OGFOD1: variants seen among roughly 807,000 people sequenced by gnomAD.
The protein encoded by OGFOD1 is prolyl 3-hydroxylase OGFOD1.
OGFOD1 carries 54 observed loss-of-function variants against 67.7 expected under a neutral mutation model. The observed-to-expected ratio is 0.80, with a 90% CI of 0.64 to 1.00. The LOEUF (loss-of-function observed/expected upper bound fraction) is 1.00, where lower values mean the gene tolerates loss of function less well. Ranked by LOEUF, OGFOD1 falls within the 50% of genes least tolerant of loss-of-function variation. The probability of loss-of-function intolerance (pLI) is 0.00; values close to 1 mark genes in which losing one functional copy is unlikely to be tolerated. For synonymous variants in OGFOD1, 221 were observed against 227.0 expected (o/e 0.97, Z 0.24); for missense variants, 606 against 646.7 (o/e 0.94, Z 0.68).
intron 6 of OGFOD1, 74 bp from the exon 7 acceptor site, chr16:56,467,091 C>A: frequency 1.9e-6 from 3 of 1,596,526 alleles, no homozygotes; most frequent in Non-Finnish European, 2.6e-6. Flanking sequence ...GCATGGAGGA[C>A]CCTGAAATTA....
At chr16:56,457,524 C>A (rs1325525591) in intron 2 of OGFOD1, among the ~76,000 whole-genome samples, 2 of 152,062 alleles carry the variant, frequency 1.3e-5, no homozygotes, top group Non-Finnish European at 2.9e-5. Context: ...TATACACTTT[C>A]AAGAAATTGA....
chr16:56,466,324 C>A, intron 5 of OGFOD1, 56 bp downstream of exon 5: 2 of 1,093,486 alleles, frequency 1.8e-6, no homozygotes, highest in Non-Finnish European at 2.8e-6. Context: ...TGAGTTAAAG[C>A]TGAGTTGATT....
intron 3 of OGFOD1, among the ~76,000 whole-genome samples, chr16:56,461,595 T>A (rs938292589): frequency 6.6e-6 from 1 of 152,208 alleles, no homozygotes; most frequent in Non-Finnish European, 1.5e-5. Context: ...CAACTTGAAC[T>A]TGTAATCAGT....
chr16:56,467,335 A>G (rs887906947), intron 7 of OGFOD1, 42 bp downstream of exon 7: 1 of 1,603,300 alleles, frequency 6.2e-7, no homozygotes, highest in Admixed American at 1.7e-5. Flanking sequence ...GAGCTATAGC[A>G]TATCATTTGT....
intron 10 of OGFOD1, among the ~76,000 whole-genome samples, chr16:56,471,032 C>G (rs78776059): frequency 0.043 from 6,472 of 152,070 alleles, 213 homozygotes; most frequent in East Asian, 0.16. Flanking sequence ...CTATGCAAAA[C>G]ATTGTAATAG....
chr16:56,456,730 A>G (rs1325639566), intron 2 of OGFOD1, among the ~76,000 whole-genome samples: 1 of 152,230 alleles, frequency 6.6e-6, no homozygotes, highest in South Asian at 2.1e-4. Context: ...TGTATTGTCT[A>G]TAGTATTCAG....
intron 9 of OGFOD1, 38 bp from the exon 10 acceptor site, chr16:56,470,449 G>A (rs1963113553): frequency 1.3e-6 from 2 of 1,544,608 alleles, no homozygotes; most frequent in Non-Finnish European, 1.8e-6. Context: ...TTTTACATCT[G>A]TGGCTTTGAT....
chr16:56,456,881 A>T (rs147269617), intron 2 of OGFOD1, among the ~76,000 whole-genome samples: 1,820 of 152,270 alleles, frequency 0.012, 25 homozygotes, highest in Non-Finnish European at 0.021. Flanking sequence ...CCTAACAATA[A>T]ATTTCTCAGA....
intron 3 of OGFOD1, among the ~76,000 whole-genome samples, chr16:56,460,661 G>C (rs1368006584): frequency 6.6e-6 from 1 of 152,142 alleles, no homozygotes; most frequent in Non-Finnish European, 1.5e-5. Flanking sequence ...TTTTGGTTTT[G>C]ATAGTGTATA....
At chr16:56,474,549 A>T (rs1963365347) in intron 10 of OGFOD1, among the ~76,000 whole-genome samples, 2 of 151,856 alleles carry the variant, frequency 1.3e-5, no homozygotes, top group African/African-American at 4.8e-5. Context: ...TGAACTCCCG[A>T]CCTCAGGTGA....
chr16:56,463,762 GA>G (rs1360686477), intron 4 of OGFOD1, among the ~76,000 whole-genome samples: 5 of 150,828 alleles, frequency 3.3e-5, no homozygotes, highest in African/African-American at 1.2e-4. Flanking sequence ...CAAACTTGCA[GA>G]AAAGTGGCAA....
rs1596997791 is a variant in OGFOD1, at chr16:56,478,780, T to C, written c.*2575T>C. ...TCTGTCAACACATAATCATCTTTTA[T>C]ACACTACAAAAAGGGACTCGGGTGT... On this transcript the variant is annotated 3_prime_UTR_variant, in exon 13 of 13. Coordinates refer to ENST00000566157, the MANE Select transcript of OGFOD1 (RefSeq NM_018233.4). 1 of 152,338 alleles carries C rather than the reference T, an allele frequency of 6.6e-6. No homozygotes were observed. Among genetic ancestry groups the C allele is most frequent in the African/African-American group, 2.4e-5 (1 of 41,584 alleles). The allele number at this position is 152,338 out of a possible 1,614,324, so 9.4% of individuals were successfully genotyped here.
Position 56,476,124 on chromosome 16 carries a change from T to G in OGFOD1, c.1548T>G (p.Ile516Met). The change falls in exon 13 of 13, where the codon ATT (isoleucine) becomes ATG (methionine). Residue 516 changes from isoleucine to methionine, a missense_variant. Ile to Met is a conservative substitution (Grantham distance 10). Transcript: ENST00000566157. ...DRETLKFVKHINHRSLEQKKT... is the reference protein window; with the variant it reads ...DRETLKFVKHMNHRSLEQKKT... ...AGACTCTGAAATTTGTCAAGCATAT[T>G]AACCACCGAAGCCTGGAACAAAAGA... 1 of 1,614,004 alleles carries G rather than the reference T, an allele frequency of 6.2e-7. No homozygotes were observed. Among genetic ancestry groups the G allele is most frequent in the African/African-American group, 1.3e-5 (1 of 75,060 alleles).
At chr16:56,470,214 C>A in intron 9 of OGFOD1, 132 bp downstream of exon 9, 1 of 797,364 alleles carries the variant, frequency 1.3e-6, no homozygotes, top group South Asian at 1.8e-5. Flanking sequence ...GAAAGAAAAT[C>A]AAATAACCAA....
At chr16:56,469,640 AG>A in intron 8 of OGFOD1, among the ~76,000 whole-genome samples, 2 of 152,080 alleles carry the variant, frequency 1.3e-5, no homozygotes, top group South Asian at 4.2e-4. Context: ...AGATCACCTG[AG>A]GGTCGGGAGT....
At chr16:56,475,359 A>G (rs1963411063) in intron 11 of OGFOD1, 148 bp from the exon 12 acceptor site, 3 of 743,846 alleles carry the variant, frequency 4.0e-6, no homozygotes, top group African/African-American at 1.8e-5. Context: ...AAACTAGATG[A>G]TAAGTTCAAG....
chr16:56,459,519 A>T (rs1476886730), intron 3 of OGFOD1, among the ~76,000 whole-genome samples: 1 of 152,236 alleles, frequency 6.6e-6, no homozygotes, highest in African/African-American at 2.4e-5. Context: ...ACCATTAAAT[A>T]TGATATACAT....
intron 3 of OGFOD1, among the ~76,000 whole-genome samples, chr16:56,461,465 G>C (rs1962708234): frequency 6.6e-6 from 1 of 152,144 alleles, no homozygotes; most frequent in Admixed American, 6.5e-5. Flanking sequence ...TAATAAACTG[G>C]TAATCTAGTA....
rs1963546174 is a variant in OGFOD1 at position 56,477,812 on chromosome 16, A to G, written c.*1607A>G. 6.6e-6 allele frequency: 1 copy of G among 152,160 alleles called. No homozygotes were observed. Among genetic ancestry groups the G allele is most frequent in the Admixed American group, 6.5e-5 (1 of 15,280 alleles). 9.4% of individuals were successfully genotyped at this position (152,160 alleles called of 1,614,324 possible). A position where few individuals can be genotyped will look rare whatever the true frequency, so the allele number is the denominator to read the frequency against. On this transcript the variant is annotated 3_prime_UTR_variant, in exon 13 of 13. Transcript: ENST00000566157. ...TTAATAGAAAAAGCACTGGGCCTTT[A>G]AACTTCTTAACTACTCTTCTCTTTC...
Sources: allele counts gnomAD v4.1 joint callset (sites outside exome capture counted in the v4.1 genomes callset), GRCh38; gene constraint gnomAD v4.1.1; transcripts MANE v1.5; gene names NCBI Gene and HGNC (gene_info 2026-07-23, HGNC 2026-07-21).